The following DYNC2H1 variants were observed in gnomAD, a reference collection of about 807,000 sequenced individuals.
DYNC2H1 encodes cytoplasmic dynein 2 heavy chain 1.
In DYNC2H1, 410 loss-of-function variants were observed where a neutral mutation model predicts 570.0. The observed-to-expected ratio is 0.72, with a 90% CI of 0.66 to 0.78. The LOEUF (loss-of-function observed/expected upper bound fraction) is 0.78, where lower values mean the gene tolerates loss of function less well. Among genes scored for constraint, DYNC2H1 ranks in the 30% least tolerant of loss-of-function variants. The pLI is 0.00. For synonymous variants in DYNC2H1, 1,688 were observed against 1,677.6 expected (o/e 1.01, Z -0.15); for missense variants, 4,865 against 5,046.4 (o/e 0.96, Z 1.09).
rs1475475916 is a variant in DYNC2H1 at position 103,145,016 on chromosome 11, G to A, written c.2702+1621G>A. ...CTGCCTCAGCCTCCTGAGTAGCTGG[G>A]ACTACAGGCACGTGCCACCACGCCT... On this transcript the variant is annotated intron_variant, in intron 18 of 88. Coordinates refer to ENST00000375735, the MANE Select transcript of DYNC2H1 (RefSeq NM_001377.3). The surrounding 1 kb of genome is among the most constrained non-coding windows in gnomAD (Gnocchi z 4.2). Among the ~76,000 whole-genome samples, 1 of 152,068 alleles carries A rather than the reference G, an allele frequency of 6.6e-6. No individual in the cohort carries two copies. The highest frequency in any genetic ancestry group is 2.4e-5 in the African/African-American group (1 of 41,398).
intron 85 of DYNC2H1, among the ~76,000 whole-genome samples, chr11:103,447,022 G>T (rs545126735): frequency 6.6e-6 from 1 of 152,088 alleles, no homozygotes; most frequent in South Asian, 2.1e-4. Context: ...ACACCATCAG[G>T]GTTTTTAGCC....
At chr11:103,121,291 A>G in intron 9 of DYNC2H1, 81 bp from the exon 10 acceptor site, 2 of 1,449,444 alleles carry the variant, frequency 1.4e-6, no homozygotes, top group Non-Finnish European at 1.9e-6. Flanking sequence ...ACAGCATCTG[A>G]CATAGTGCTT....
chr11:103,198,880 A>G (rs973229679), intron 48 of DYNC2H1, among the ~76,000 whole-genome samples: 2 of 152,174 alleles, frequency 1.3e-5, no homozygotes, highest in African/African-American at 4.8e-5. Context: ...GATTTTTTTC[A>G]TGGTCTATGC....
chr11:103,413,252 A>G (rs1943154261), intron 84 of DYNC2H1, among the ~76,000 whole-genome samples: 1 of 152,150 alleles, frequency 6.6e-6, no homozygotes. Context: ...TTAAAAGCCT[A>G]TTTTTATTGT....
Position 103,194,943 on chromosome 11 carries a change from C to T in DYNC2H1, c.7708+2679C>T, listed in dbSNP as rs1374728081. Among the ~76,000 whole-genome samples, 3 of 152,232 alleles carry T rather than the reference C, an allele frequency of 2.0e-5. No individual in the cohort carries two copies. In the South Asian group the frequency reaches 6.2e-4, roughly 32 times the overall value. On this transcript the variant is annotated intron_variant, in intron 47 of 88. Transcript: ENST00000375735. ...ATGTTGGGTAGGCTGGTTTTGAACT[C>T]CTGACCTGAAATGATCCACCTGCCT... is the stretch of plus-strand genomic sequence containing the variant.
intron 70 of DYNC2H1, among the ~76,000 whole-genome samples, chr11:103,271,888 A>G (rs1420364305): frequency 6.6e-6 from 1 of 152,212 alleles, no homozygotes; most frequent in East Asian, 1.9e-4. Context: ...ATCTCACACC[A>G]GTTAGAATGG....
Position 103,245,047 on chromosome 11 carries a change from G to A in DYNC2H1, c.9919-204G>A, listed in dbSNP as rs1246370153. ...AAATTTTACTAGAATTCATCATCTT[G>A]CCTTTTTTCCCCATTCAATGTGTGA... On this transcript the variant is annotated intron_variant, in intron 64 of 88. Coordinates refer to ENST00000375735, the MANE Select transcript of DYNC2H1 (RefSeq NM_001377.3). The surrounding 1 kb of genome is among the most constrained non-coding windows in gnomAD (Gnocchi z 4.5). Among the ~76,000 whole-genome samples the A allele has an allele frequency of 6.6e-6, 1 of 151,238 alleles. No individual in the cohort carries two copies. Among genetic ancestry groups the A allele is most frequent in the Non-Finnish European group, 1.5e-5 (1 of 67,774 alleles).
chr11:103,401,493 T>G (rs1229328495), intron 84 of DYNC2H1, among the ~76,000 whole-genome samples: 3 of 152,088 alleles, frequency 2.0e-5, no homozygotes, highest in Non-Finnish European at 4.4e-5. Context: ...GAAAGGAACT[T>G]GGATTAAATG....
intron 88 of DYNC2H1, among the ~76,000 whole-genome samples, chr11:103,470,699 A>G (rs1945350449): frequency 6.6e-6 from 1 of 152,154 alleles, no homozygotes; most frequent in Non-Finnish European, 1.5e-5. Flanking sequence ...GTTTGCTGAG[A>G]ATGATGGTTT....
chr11:103,386,244 G>A (rs936629406), intron 83 of DYNC2H1, among the ~76,000 whole-genome samples: 3 of 152,264 alleles, frequency 2.0e-5, no homozygotes, highest in South Asian at 4.1e-4. Flanking sequence ...AGTTATATAT[G>A]TGTATTAAAT....
chr11:103,182,813 T>C (rs1861906038), intron 40 of DYNC2H1, among the ~76,000 whole-genome samples: 1 of 151,836 alleles, frequency 6.6e-6, no homozygotes, highest in Non-Finnish European at 1.5e-5. Flanking sequence ...TGATTTAGAG[T>C]TCAATACTTT....
chr11:103,175,899 A>G (rs1197169924), intron 36 of DYNC2H1, among the ~76,000 whole-genome samples: 1 of 152,176 alleles, frequency 6.6e-6, no homozygotes, highest in Non-Finnish European at 1.5e-5. Context: ...AACCTACTTT[A>G]TAGGGTTGTT....
chr11:103,230,932 T>C (rs1693514583), intron 59 of DYNC2H1, among the ~76,000 whole-genome samples: 1 of 152,180 alleles, frequency 6.6e-6, no homozygotes, highest in Admixed American at 6.6e-5. Flanking sequence ...TTGATCTCTG[T>C]GCATATGTAT....
At chr11:103,113,881 A>G (rs2134683919) in intron 2 of DYNC2H1, among the ~76,000 whole-genome samples, 174 bp downstream of exon 2, 1 of 152,310 alleles carries the variant, frequency 6.6e-6, no homozygotes, top group South Asian at 2.1e-4. Flanking sequence ...TAAAAAATAG[A>G]GAAATTGGAG....
At chr11:103,287,635 C>G (rs941842898) in intron 75 of DYNC2H1, 30 bp downstream of exon 75, 1 of 1,548,714 alleles carries the variant, frequency 6.5e-7, no homozygotes, top group African/African-American at 1.4e-5. Flanking sequence ...AGAACTAGAC[C>G]ACTGACCTGA....
rs146311662 is a variant in DYNC2H1 at position 103,170,449 on chromosome 11, G to C, written c.5151+159G>C. 6.6e-6 allele frequency among the ~76,000 whole-genome samples: 1 copy of C among 152,130 alleles called. No homozygotes were observed. Among genetic ancestry groups the C allele is most frequent in the East Asian group, 1.9e-4 (1 of 5,200 alleles). On this transcript the variant is annotated intron_variant, in intron 33 of 88. Transcript: ENST00000375735. This position sits in a 1 kb window ranked among gnomAD's most constrained non-coding sequence, Gnocchi z 4.8. ...AATGTAAAATGGACAGAGGTTGTAC[G>C]TAGTATAGTCCAAAACTTTTCTAAG...
chr11:103,454,832 A>C (rs1396478904), intron 85 of DYNC2H1, among the ~76,000 whole-genome samples: 2 of 152,118 alleles, frequency 1.3e-5, no homozygotes, highest in East Asian at 3.9e-4. Context: ...TCACATTGCC[A>C]AGAGAACTTT....
chr11:103,139,786 C>T (rs1299134712), intron 17 of DYNC2H1, among the ~76,000 whole-genome samples: 3 of 151,920 alleles, frequency 2.0e-5, no homozygotes, highest in Non-Finnish European at 4.4e-5. Context: ...CTTTCTGTCT[C>T]GTTGATCTGT....
chr11:103,404,258 TG>T (rs1942770039), intron 84 of DYNC2H1: 1 of 151,712 alleles, frequency 6.6e-6, no homozygotes. Context: ...ATAGAGGTTA[TG>T]GGATTGGCTA....
Sources: gnomAD v4.1 joint callset for allele counts (sites outside exome capture counted in the v4.1 genomes callset) on GRCh38, gnomAD v4.1.1 for gene constraint, Gnocchi (gnomAD v3.1) non-coding constraint, MANE v1.5 for transcripts, NCBI Gene and HGNC (gene_info 2026-07-23, HGNC 2026-07-21) for gene names.